The following ACOX1 variants were observed in gnomAD, a reference collection of about 807,000 sequenced individuals.
ACOX1 encodes the protein acyl-CoA oxidase 1.
In ACOX1, 41 loss-of-function variants were observed where a neutral mutation model predicts 75.5. The ratio of observed to expected loss-of-function variants is 0.54; its 90% CI spans 0.42 to 0.70. The LOEUF (loss-of-function observed/expected upper bound fraction) is 0.70. ACOX1 is among the 30% of genes least tolerant of loss of function. The pLI is 0.00. For missense variants in ACOX1, 630 were observed against 837.5 expected, an observed-to-expected ratio of 0.75 and a Z score of 3.06; for synonymous variants, 303 against 298.8, an observed-to-expected ratio of 1.01 and a Z score of -0.15.
At chr17:75,947,762 T>C (rs995040027) in intron 13 of ACOX1, among the ~76,000 whole-genome samples, 3 of 149,768 alleles carry the variant, frequency 2.0e-5, no homozygotes, top group African/African-American at 7.4e-5. Context: ...CAGGCTGGAG[T>C]GCAATGGCAC....
chr17:75,975,725 C>T (rs1452343848), intron 2 of ACOX1, among the ~76,000 whole-genome samples: 1 of 152,004 alleles, frequency 6.6e-6, no homozygotes, highest in Non-Finnish European at 1.5e-5. Context: ...GGGTGGATCA[C>T]AAGGCCAGGA....
chr17:75,975,356 C>G (rs2066038437), intron 2 of ACOX1, among the ~76,000 whole-genome samples: 1 of 151,942 alleles, frequency 6.6e-6, no homozygotes, highest in Non-Finnish European at 1.5e-5. Flanking sequence ...GGCGTTTTGC[C>G]ATGTTGGCCA....
intron 7 of ACOX1, among the ~76,000 whole-genome samples, chr17:75,951,903 C>T (rs1490044126): frequency 6.6e-6 from 1 of 150,582 alleles, no homozygotes; most frequent in Non-Finnish European, 1.5e-5. Context: ...CAAGCTCCGC[C>T]TCCCAAGTTC....
At chr17:75,973,971 CTCT>C (rs1200865453) in intron 2 of ACOX1, among the ~76,000 whole-genome samples, 3 of 152,284 alleles carry the variant, frequency 2.0e-5, no homozygotes, top group African/African-American at 4.8e-5. Flanking sequence ...CTGATGATCT[CTCT>C]TCTTCTAATT....
In ACOX1 at chr17:75,955,857, C is replaced by A; in HGVS notation, c.629G>T (p.Arg210Leu). ...YGLHAFIVPI[R>L]EIGTHKPLPG... ...CAAAGGCTTATGGGTCCCGATTTCA[C>A]GAATAGGTACGATAAAGGCATGTAA... is the stretch of plus-strand genomic sequence containing the variant. The change falls in exon 5 of 14, where the codon CGT (arginine) becomes CTT (leucine). Residue 210 changes from arginine to leucine, a missense_variant. This residue lies in a region of ACOX1 where 390 missense variants were observed against 574.9 expected (regional missense o/e 0.68). Transcript: ENST00000293217. The A allele has an allele frequency of 6.2e-7, 1 of 1,614,038 alleles. No homozygotes were observed. The highest frequency in any genetic ancestry group is 2.2e-5 in the East Asian group (1 of 44,878).
rs1012826260 is a variant in ACOX1 at position 75,951,877 on chromosome 17, C to T, written c.945-300G>A. Among the ~76,000 whole-genome samples, 13 of 128,942 alleles carry T rather than the reference C, an allele frequency of 1.0e-4. No homozygotes were observed. In the Admixed American group the frequency reaches 1.3e-3, roughly 13 times the overall value. 84.6% of individuals were successfully genotyped at this position (128,942 alleles called of 152,430 possible). ...TCACCCAGGCTTTAGTGCAGTGGTG[C>T]GATCTTGGCTCACTGCAAGCTCCGC... On this transcript the variant is annotated intron_variant, in intron 7 of 13. Transcript: ENST00000293217.
At chr17:75,969,894 C>T (rs185492737) in intron 2 of ACOX1, among the ~76,000 whole-genome samples, 15 of 151,874 alleles carry the variant, frequency 9.9e-5, no homozygotes, top group Non-Finnish European at 2.9e-5. Flanking sequence ...AGAAAGAGAG[C>T]GAGAAAGAGG....
chr17:75,950,643 G>T lies in ACOX1; in HGVS notation c.1298+131C>A. 2.0e-6 allele frequency: 2 copies of T among 1,004,068 alleles called. No homozygotes were observed. The highest frequency in any genetic ancestry group is 1.5e-6 in the Non-Finnish European group (1 of 666,084). The allele number at this position is 1,004,068 out of a possible 1,614,324, so 62.2% of individuals were successfully genotyped here. On this transcript the variant is annotated intron_variant, in intron 9 of 13. Transcript: ENST00000293217. This position sits in a 1 kb window ranked among gnomAD's most constrained non-coding sequence, Gnocchi z 4.3. ...GAAATAAAAACCGTGAGTCAGGATG[G>T]AAGGCAAAAGTATACCTTTCAGGAA...
chr17:75,978,216 T>G lies in ACOX1; in HGVS notation c.269+318A>C, dbSNP rs2066074837. 6.6e-6 allele frequency among the ~76,000 whole-genome samples: 1 copy of G among 152,098 alleles called. No homozygotes were observed. Among genetic ancestry groups the G allele is most frequent in the East Asian group, 1.9e-4 (1 of 5,194 alleles). ...TTCACGCTATTCTCCTGCCTCAGCC[T>G]CCCGAGTAGCTGGAACTACAGGCGC... On this transcript the variant is annotated intron_variant, in intron 2 of 13. Coordinates refer to ENST00000293217, the MANE Select transcript of ACOX1 (RefSeq NM_004035.7). The surrounding 1 kb of genome is among the most constrained non-coding windows in gnomAD (Gnocchi z 4.2).
intron 2 of ACOX1, among the ~76,000 whole-genome samples, chr17:75,976,847 C>T (rs745795427): frequency 1.3e-5 from 2 of 151,630 alleles, no homozygotes; most frequent in African/African-American, 2.4e-5. Context: ...TAGTCTTTAC[C>T]GATGAAAATA....
intron 11 of ACOX1, 35 bp downstream of exon 11, chr17:75,949,460 G>A (rs2065753221): frequency 1.2e-6 from 2 of 1,610,374 alleles, no homozygotes; most frequent in Admixed American, 1.7e-5. Flanking sequence ...GATGCTGAGG[G>A]CAGGGAAGGG....
chr17:75,970,184 C>CAAAAAAAAAAAAAAAAAAA (rs55762557), intron 2 of ACOX1, among the ~76,000 whole-genome samples: 1,585 of 68,588 alleles, frequency 0.023, 127 homozygotes, highest in Non-Finnish European at 0.034. Context: ...GAGACTCCTT[C>CAAAAAAAAAAAAAAAAAAA]AAAAAAAAAA....
In ACOX1 at chr17:75,949,538, A is replaced by G. The variant is rs776575018; in HGVS notation, c.1541T>C (p.Val514Ala). ...GTCAACAGAAGTTAGGTTCCAAGCTACCTCCTTGCTTTTTCTGTGAATCAC... is the reference window on the plus strand; with the variant it reads ...GTCAACAGAAGTTAGGTTCCAAGCTGCCTCCTTGCTTTTTCTGTGAATCAC... ...KEVIHRKSKE[V>A]AWNLTSVDLV... The change falls in exon 11 of 14, where the codon GTA becomes GCA. Residue 514 changes from valine (V) to alanine (A), a missense_variant. Around this residue, in one of 2 missense-constraint regions of ACOX1, gnomAD observed 240 missense variants for 262.7 expected, o/e 0.91. Coordinates refer to ENST00000293217, the MANE Select transcript of ACOX1 (RefSeq NM_004035.7). The G allele has an allele frequency of 6.2e-6, 10 of 1,614,106 alleles. No individual in the cohort carries two copies. The highest frequency in any genetic ancestry group is 1.1e-5 in the South Asian group (1 of 91,082).
intron 7 of ACOX1, chr17:75,953,144 T>C (rs1334623080): frequency 9.4e-6 from 3 of 318,376 alleles, no homozygotes; most frequent in African/African-American, 2.1e-5. Context: ...CTGCCTTTAG[T>C]GTGTTGAACA....
chr17:75,967,881 C>G lies in ACOX1; in HGVS notation c.270-7506G>C, dbSNP rs139765605. ...TCAGCCTTCCGAGTAGCTAGAATTA[C>G]AGGTGCCGCCACCACTCCCAGCTAA... On this transcript the variant is annotated intron_variant, in intron 2 of 13. Transcript: ENST00000293217. 8.1e-3 allele frequency among the ~76,000 whole-genome samples: 1,219 copies of G among 150,412 alleles called. 18 individuals are homozygous for G. The highest frequency in any genetic ancestry group is 0.027 in the African/African-American group (1,132 of 41,220).
rs141119543 is a variant in ACOX1, at chr17:75,974,699, G to A, written c.269+3835C>T. Among the ~76,000 whole-genome samples, 58 of 152,248 alleles carry A rather than the reference G, an allele frequency of 3.8e-4. No homozygotes were observed. In the East Asian group the frequency reaches 0.011, roughly 28 times the overall value. ...AGGACAGAAGGGATAGGCTGCCATTGCAGTGCTGGGGGACCCTGAAACCAA... is the reference window on the plus strand; with the variant it reads ...AGGACAGAAGGGATAGGCTGCCATTACAGTGCTGGGGGACCCTGAAACCAA... On this transcript the variant is annotated intron_variant, in intron 2 of 13. Coordinates refer to ENST00000293217, the MANE Select transcript of ACOX1 (RefSeq NM_004035.7).
rs118204093 is a variant in ACOX1 at position 75,957,555 on chromosome 17, G to A, written c.442C>T (p.Arg148Ter). The A allele has an allele frequency of 2.5e-6, 4 of 1,613,780 alleles. No homozygotes were observed. The highest frequency in any genetic ancestry group is 2.5e-6 in the Non-Finnish European group (3 of 1,179,770). ...TACGTGGCTGTGGTTTCCAAGCCTC[G>A]AAGGTGAGTTCCTAAGGAGATAAAT... ...QTEMGHGTHL[R>*]GLETTATYDP... The change falls in exon 4 of 14, where the codon CGA (arginine) becomes TGA (stop). Residue 148 changes from arginine to a stop codon, truncating the protein, a stop_gained. Transcript: ENST00000293217. LOFTEE classifies it high-confidence loss of function.
Position 75,957,583 on chromosome 17 carries a change from C to G in ACOX1, c.431-17G>C. On this transcript the variant is annotated splice_polypyrimidine_tract_variant and intron_variant, in intron 3 of 13. Coordinates refer to ENST00000293217, the MANE Select transcript of ACOX1 (RefSeq NM_004035.7). ...GGTGAGTTCCTAAGGAGATAAATTA[C>G]ATTGACTTCAGTTAAGAGATGGGGA... 1 of 1,598,684 alleles carries G rather than the reference C, an allele frequency of 6.3e-7. No individual in the cohort carries two copies. Among genetic ancestry groups the G allele is most frequent in the Non-Finnish European group, 8.6e-7 (1 of 1,166,148 alleles).
intron 2 of ACOX1, among the ~76,000 whole-genome samples, chr17:75,970,690 C>T (rs2065985899): frequency 6.6e-6 from 1 of 152,182 alleles, no homozygotes; most frequent in Non-Finnish European, 1.5e-5. Context: ...TGTGAGACCG[C>T]GTTAGATAAT....
Sources: gnomAD v4.1 joint callset for allele counts (sites outside exome capture counted in the v4.1 genomes callset) on GRCh38, gnomAD v4.1.1 for gene constraint, gnomAD v4.1.1 regional missense constraint, Gnocchi (gnomAD v3.1) non-coding constraint, MANE v1.5 for transcripts, NCBI Gene and HGNC (gene_info 2026-07-23, HGNC 2026-07-21) for gene names.